Variants in WDPCP observed in about 807,000 individuals in gnomAD.
WDPCP encodes WD repeat-containing and planar cell polarity effector protein fritz homolog.
A neutral mutation model predicts 93.1 loss-of-function variants in WDPCP; 71 were observed. The ratio of observed to expected loss-of-function variants is 0.76; its 90% CI spans 0.63 to 0.93. WDPCP has a LOEUF of 0.93. WDPCP is among the 40% of genes least tolerant of loss of function. The pLI, the probability that WDPCP is intolerant of heterozygous loss-of-function variation, is 0.00. For synonymous variants in WDPCP, 315 were observed against 315.0 expected (o/e 1.00, Z 0.00); for missense variants, 844 against 887.4 (o/e 0.95, Z 0.62).
chr2:63,560,821 G>A (rs1456185005), intron 1 of WDPCP, among the ~76,000 whole-genome samples: 1 of 152,164 alleles, frequency 6.6e-6, no homozygotes, highest in Admixed American at 6.5e-5. Flanking sequence ...ATCATACACT[G>A]GGGCCTGTTG....
intron 14 of WDPCP, 49 bp from the exon 15 acceptor site, chr2:63,174,881 C>T (rs1420236551): frequency 1.9e-6 from 3 of 1,580,136 alleles, no homozygotes; most frequent in Non-Finnish European, 2.6e-6. Flanking sequence ...ACAATTTCTG[C>T]TAACTCCCTT....
chr2:63,319,142 G>C (rs1383102057), intron 12 of WDPCP, among the ~76,000 whole-genome samples: 1 of 152,112 alleles, frequency 6.6e-6, no homozygotes, highest in Admixed American at 6.5e-5. Context: ...GTCGATTTTT[G>C]TTTTTGTTGC....
intron 12 of WDPCP, among the ~76,000 whole-genome samples, chr2:63,318,494 A>G (rs1209433302): frequency 6.6e-6 from 1 of 152,230 alleles, no homozygotes; most frequent in Non-Finnish European, 1.5e-5. Context: ...TATTCACAAT[A>G]GGAAGGACAT....
chr2:63,635,562 T>G (rs1214716993), intron 3 of WDPCP, among the ~76,000 whole-genome samples: 1 of 151,884 alleles, frequency 6.6e-6, no homozygotes, highest in Non-Finnish European at 1.5e-5. Flanking sequence ...TAGACACAAA[T>G]CAATAAAGAT....
At chr2:63,752,858 A>C (rs58561920) in intron 2 of WDPCP, among the ~76,000 whole-genome samples, 1 of 151,710 alleles carries the variant, frequency 6.6e-6, no homozygotes, top group Non-Finnish European at 1.5e-5. Context: ...AGCCCAGTTA[A>C]TTTTTGTATT....
rs192988839 is a variant in WDPCP, at chr2:63,663,327, A to G, written n.309-12489T>C. ...GAACAAAGAGGCCAACTTCTTCAAT[A>G]TCTCTGGTTCACACTTGAAGCACAT... On this transcript the variant is annotated intron_variant and non_coding_transcript_variant, in intron 2 of 4. Coordinates refer to the WDPCP transcript ENST00000467687. 8.1e-4 allele frequency among the ~76,000 whole-genome samples: 123 copies of G among 152,302 alleles called. 4 individuals carry two copies. In the East Asian group the frequency reaches 0.015, roughly 18 times the overall value.
At chr2:63,702,114 C>T (rs1205915947) in intron 2 of WDPCP, among the ~76,000 whole-genome samples, 1 of 152,200 alleles carries the variant, frequency 6.6e-6, no homozygotes, top group Non-Finnish European at 1.5e-5. Flanking sequence ...CAACCTCCGC[C>T]TCCTAGGTTC....
intron 9 of WDPCP, among the ~76,000 whole-genome samples, chr2:63,433,241 T>C (rs1003669403): frequency 4.6e-5 from 7 of 152,216 alleles, no homozygotes; most frequent in East Asian, 1.9e-4. Context: ...TTACACAATA[T>C]AGGCATTTAA....
At chr2:63,583,245 C>T (rs193296817) in intron 1 of WDPCP, among the ~76,000 whole-genome samples, 25 of 152,092 alleles carry the variant, frequency 1.6e-4, no homozygotes, top group Admixed American at 5.9e-4. Flanking sequence ...AATAAAGTTA[C>T]TGTCAATAAG....
intron 2 of WDPCP, among the ~76,000 whole-genome samples, chr2:63,714,032 A>G (rs1045795393): frequency 3.3e-5 from 5 of 151,706 alleles, no homozygotes; most frequent in African/African-American, 1.2e-4. Context: ...CTTCGCTGCG[A>G]ACAACTATGT....
At chr2:63,194,345 G>T (rs1487305032) in intron 14 of WDPCP, among the ~76,000 whole-genome samples, 1 of 152,090 alleles carries the variant, frequency 6.6e-6, no homozygotes, top group Non-Finnish European at 1.5e-5. Flanking sequence ...ACCCAAAAGG[G>T]TGATAACAGG....
At position 63,452,848 on chromosome 2, in the gene WDPCP, C is replaced by T. The variant is rs1205509492; in HGVS notation, c.385-12977G>A. ...ACAAAAACAAGAAATGGGGAAACAA[C>T]TCCCTATTTAATAAATGGTGCTGGG... On this transcript the variant is annotated intron_variant, in intron 6 of 17. Transcript: ENST00000272321. Among the ~76,000 whole-genome samples the T allele has an allele frequency of 5.3e-5, 8 of 152,224 alleles. No individual in the cohort carries two copies. The East Asian group carries it at 5.8e-4, about 11-fold the overall frequency.
intron 3 of WDPCP, among the ~76,000 whole-genome samples, 198 bp from the exon 4 acceptor site, chr2:63,486,784 G>A (rs910496147): frequency 2.6e-5 from 4 of 151,888 alleles, no homozygotes; most frequent in Middle Eastern, 3.2e-3. Flanking sequence ...ATTTCATAGA[G>A]ATATTTCCTA....
At chr2:63,485,282 C>A (rs1398247452) in intron 4 of WDPCP, among the ~76,000 whole-genome samples, 1 of 150,834 alleles carries the variant, frequency 6.6e-6, no homozygotes, top group South Asian at 2.1e-4. Flanking sequence ...ATGATGTAGT[C>A]TTTACTAACT....
At chr2:63,631,371 T>C (rs538524975) in intron 3 of WDPCP, among the ~76,000 whole-genome samples, 25 of 149,596 alleles carry the variant, frequency 1.7e-4, no homozygotes, top group Admixed American at 1.6e-3. Flanking sequence ...AAAAGAAGAG[T>C]TTCAAATTAA....
At chr2:63,798,739 G>A (rs1218216725) in intron 2 of WDPCP, among the ~76,000 whole-genome samples, 1 of 151,976 alleles carries the variant, frequency 6.6e-6, no homozygotes, top group East Asian at 1.9e-4. Flanking sequence ...TAATAACACT[G>A]AACGTAAATA....
chr2:63,129,684 T>C (rs1329149528), intron 17 of WDPCP, among the ~76,000 whole-genome samples: 1 of 152,230 alleles, frequency 6.6e-6, no homozygotes, highest in Non-Finnish European at 1.5e-5. Flanking sequence ...TTGTCACTTA[T>C]TATATATGTG....
chr2:63,622,567 G>A, intron 3 of WDPCP: 1 of 1,613,944 alleles, frequency 6.2e-7, no homozygotes, highest in Non-Finnish European at 8.5e-7. Context: ...GTCTGATTCT[G>A]TGGGTCCACA....
At chr2:63,575,401 A>ATATATACAGTGTATACACGG (rs1707895472) in intron 1 of WDPCP, among the ~76,000 whole-genome samples, 2 of 21,470 alleles carry the variant, frequency 9.3e-5, no homozygotes, top group African/African-American at 1.6e-4. Context: ...TATATACAGT[A>ATATATACAGTGTATACACGG]TATATACAGT....
Sources: gnomAD v4.1 joint callset for allele counts (sites outside exome capture counted in the v4.1 genomes callset) on GRCh38, gnomAD v4.1.1 for gene constraint, MANE v1.5 for transcripts, NCBI Gene and HGNC (gene_info 2026-07-23, HGNC 2026-07-21) for gene names.